MOSPD2: variants seen among roughly 807,000 people sequenced by gnomAD.
MOSPD2 encodes motile sperm domain-containing protein 2.
Under a neutral mutation model 41.7 loss-of-function variants are expected in MOSPD2, and 5 were observed. That is an observed-to-expected ratio of 0.12 (90% CI 0.06 to 0.25). The LOEUF is 0.25. MOSPD2 is among the 10% of genes least tolerant of loss of function. The pLI is 1.00. For synonymous variants in MOSPD2, 115 were observed against 126.9 expected, an observed-to-expected ratio of 0.91 and a Z score of 0.63; for missense variants, 282 against 375.2, an observed-to-expected ratio of 0.75 and a Z score of 2.05.
chrX:14,896,933 AC>A, intron 4 of MOSPD2, 150 bp from the exon 5 acceptor site: 1 of 454,063 alleles, frequency 2.2e-6, no homozygotes, highest in Non-Finnish European at 3.4e-6. Flanking sequence ...CCCAAGTGCA[AC>A]AGTTTCTCAT....
At chrX:14,873,799 A>G (rs1370188941) in intron 2 of MOSPD2, 41 bp downstream of exon 2, 3 of 1,079,139 alleles carry the variant, frequency 2.8e-6, no homozygotes, top group African/African-American at 1.8e-5. Context: ...GTGTGCAGTG[A>G]GCATCCCCAA....
At chrX:14,886,903 C>G (rs1017364066) in intron 2 of MOSPD2, among the ~76,000 whole-genome samples, 35 of 112,391 alleles carry the variant, frequency 3.1e-4, no homozygotes, top group Admixed American at 1.8e-3. Flanking sequence ...ACCTGTCTCT[C>G]AGTCTCACCA....
chrX:14,892,037 A>G (rs191787934), intron 2 of MOSPD2, among the ~76,000 whole-genome samples: 65 of 112,198 alleles, frequency 5.8e-4, no homozygotes, highest in African/African-American at 2.1e-3. Context: ...AGAGGGCTAT[A>G]CCAAATACTT....
At chrX:14,919,198 C>T (rs1440407053) in intron 14 of MOSPD2, among the ~76,000 whole-genome samples, 1 of 111,532 alleles carries the variant, frequency 9.0e-6, no homozygotes. Context: ...AGAACAAGAC[C>T]ATTTCTCAAT....
chrX:14,921,127 C>T lies in MOSPD2; in HGVS notation c.*1318C>T, dbSNP rs1223137294. 8.2e-6 allele frequency: 7 copies of T among 849,645 alleles called. No individual in the cohort carries two copies. The highest frequency in any genetic ancestry group is 6.2e-5 in the East Asian group (1 of 16,001). 70.0% of individuals were successfully genotyped at this position (849,645 alleles called of 1,213,427 possible). ...ACCAGTTTGGGTCTATGTTGGTTCACATGTACATCTACTTTATATGAAAGA... is the reference window on the plus strand; with the variant it reads ...ACCAGTTTGGGTCTATGTTGGTTCATATGTACATCTACTTTATATGAAAGA... On this transcript the variant is annotated 3_prime_UTR_variant, in exon 15 of 15. Transcript: ENST00000380492.
intron 7 of MOSPD2, among the ~76,000 whole-genome samples, chrX:14,905,393 CCCA>C (rs770322183): frequency 1.8e-5 from 2 of 111,463 alleles, no homozygotes; most frequent in Non-Finnish European, 3.8e-5. Context: ...GAACCCCTCC[CCCA>C]CCACCACCAC....
chrX:14,909,633 TA>T (rs772607435), intron 8 of MOSPD2, among the ~76,000 whole-genome samples: 1 of 111,858 alleles, frequency 8.9e-6, no homozygotes, highest in Admixed American at 9.6e-5. Context: ...TTACTACTTA[TA>T]AAAAAACTGT....
intron 7 of MOSPD2, among the ~76,000 whole-genome samples, chrX:14,905,024 T>C (rs781521793): frequency 8.9e-6 from 1 of 111,777 alleles, no homozygotes; most frequent in Non-Finnish European, 1.9e-5. Context: ...GAAGATTACC[T>C]CTCAGAAGCT....
chrX:14,905,840 C>T (rs1383681638), intron 7 of MOSPD2, among the ~76,000 whole-genome samples: 4 of 111,577 alleles, frequency 3.6e-5, no homozygotes, highest in Non-Finnish European at 7.5e-5. Flanking sequence ...ATACCTAACA[C>T]AGTGTGAGTG....
In MOSPD2 at chrX:14,892,710, G is replaced by A; in HGVS notation, c.80-13G>A. On this transcript the variant is annotated splice_polypyrimidine_tract_variant and intron_variant, in intron 2 of 14. Coordinates refer to ENST00000380492, the MANE Select transcript of MOSPD2 (RefSeq NM_152581.4). ...TAATCTGACTTGGATGTTTATTACTGTTTTTTCCCTAGATAAGTCAGATAA... is the reference window on the plus strand; with the variant it reads ...TAATCTGACTTGGATGTTTATTACTATTTTTTCCCTAGATAAGTCAGATAA... The A allele has an allele frequency of 1.7e-6, 2 of 1,180,808 alleles. No individual in the cohort carries two copies. Among genetic ancestry groups the A allele is most frequent in the Non-Finnish European group, 2.3e-6 (2 of 872,667 alleles).
chrX:14,899,133 T>TTTTTTTTTTTTTTTTTTTGAGACGGA (rs2092568009), intron 5 of MOSPD2, among the ~76,000 whole-genome samples: 2 of 105,445 alleles, frequency 1.9e-5, no homozygotes, highest in Non-Finnish European at 2.0e-5. Context: ...AAGTCTTTCA[T>TTTTTTTTTTTTTTTTTTTGAGACGGA]GGGTCCTCAA....
chrX:14,877,104 A>C (rs2092521936), intron 2 of MOSPD2, among the ~76,000 whole-genome samples: 1 of 111,654 alleles, frequency 9.0e-6, no homozygotes, highest in Non-Finnish European at 1.9e-5. Flanking sequence ...ACACATGGCT[A>C]AATACAGTGG....
chrX:14,877,420 A>G (rs1177869402), intron 2 of MOSPD2, among the ~76,000 whole-genome samples: 1 of 109,592 alleles, frequency 9.1e-6, no homozygotes, highest in Non-Finnish European at 1.9e-5. Context: ...TTGGCTCCAC[A>G]CAACCTCTGC....
intron 14 of MOSPD2, among the ~76,000 whole-genome samples, chrX:14,919,269 AAAGCTCTGGCCATTTTTAGC>A (rs1235638468): frequency 8.9e-6 from 1 of 112,087 alleles, no homozygotes; most frequent in Non-Finnish European, 1.9e-5. Flanking sequence ...TAACCATTTG[AAAGCTCTGGCCATTTTTAGC>A]AAAGCACAAG....
At position 14,919,768 on chromosome X, in the gene MOSPD2, C is replaced by G; in HGVS notation, c.1516C>G (p.Leu506Val). Reference protein sequence around the residue: ...QLLLSLTMLLLAFVTSFFYLL... With the variant: ...QLLLSLTMLLVAFVTSFFYLL... Reference sequence around the variant, plus strand: ...GCTGCTTTCCTTAACAATGCTCTTGCTTGCTTTTGTCACCTCTTTCTTCTA... The same window carrying G: ...GCTGCTTTCCTTAACAATGCTCTTGGTTGCTTTTGTCACCTCTTTCTTCTA... The change falls in exon 15 of 15, where the codon CTT (leucine) becomes GTT (valine). Residue 506 changes from leucine (L) to valine (V), a missense_variant. Physicochemically the swap from Leu to Val is conservative, Grantham distance 32. Coordinates refer to ENST00000380492, the MANE Select transcript of MOSPD2 (RefSeq NM_152581.4). 2.5e-6 allele frequency: 3 copies of G among 1,210,415 alleles called. No individual in the cohort carries two copies. Among genetic ancestry groups the G allele is most frequent in the Non-Finnish European group, 3.4e-6 (3 of 894,565 alleles).
At chrX:14,896,894 A>G (rs1217490800) in intron 4 of MOSPD2, among the ~76,000 whole-genome samples, 190 bp from the exon 5 acceptor site, 6 of 112,788 alleles carry the variant, frequency 5.3e-5, no homozygotes, top group Admixed American at 3.8e-4. Context: ...GAAACAGTCT[A>G]TCTCTCTGCT....
intron 13 of MOSPD2, among the ~76,000 whole-genome samples, chrX:14,917,523 ATTC>A (rs1355360392): frequency 9.0e-6 from 1 of 111,562 alleles, no homozygotes; most frequent in African/African-American, 3.3e-5. Context: ...TTTTTAAAGG[ATTC>A]TTCTGGGTAC....
rs981934582 is a variant in MOSPD2 at position 14,907,658 on chromosome X, G to C, written c.578-1202G>C. The stretch of plus-strand genomic sequence containing the variant: ...AAATGTCCAAAATAAGCAAATCCAT[G>C]AAGACAGAAAATAGATTAGTAGTTG... On this transcript the variant is annotated intron_variant, in intron 7 of 14. Transcript: ENST00000380492. 4.5e-5 allele frequency among the ~76,000 whole-genome samples: 5 copies of C among 112,079 alleles called. No homozygotes were observed. The South Asian group carries it at 1.5e-3, about 33-fold the overall frequency.
At chrX:14,907,112 T>C (rs969878633) in intron 7 of MOSPD2, among the ~76,000 whole-genome samples, 4 of 112,212 alleles carry the variant, frequency 3.6e-5, no homozygotes, top group Non-Finnish European at 7.5e-5. Flanking sequence ...AATAAGCACA[T>C]AAAGAGATGC....
Sources: gnomAD v4.1 joint callset for allele counts (sites outside exome capture counted in the v4.1 genomes callset) on GRCh38, gnomAD v4.1.1 for gene constraint, MANE v1.5 for transcripts, NCBI Gene and HGNC (gene_info 2026-07-23, HGNC 2026-07-21) for gene names.